XIRP2: variants seen among roughly 807,000 people sequenced by gnomAD.
The protein encoded by XIRP2 is xin actin binding repeat containing 2.
XIRP2 carries 236 observed loss-of-function variants against 277.0 expected under a neutral mutation model. That is an observed-to-expected ratio of 0.85 (90% CI 0.77 to 0.95). XIRP2 has a LOEUF of 0.95. Ranked by LOEUF, XIRP2 falls within the 40% of genes least tolerant of loss-of-function variation. The pLI is 0.00. For missense variants in XIRP2, 4,640 were observed against 4,157.5 expected (o/e 1.12, Z -3.19); for synonymous variants, 1,490 against 1,416.5 (o/e 1.05, Z -1.17).
At chr2:167,233,265 T>G (rs568302203) in intron 5 of XIRP2, among the ~76,000 whole-genome samples, 8 of 151,972 alleles carry the variant, frequency 5.3e-5, no homozygotes, top group East Asian at 1.9e-4. Context: ...CTGGAGATTT[T>G]GGCAAAGGCC....
chr2:167,087,835 A>G (rs945411349), intron 2 of XIRP2, among the ~76,000 whole-genome samples: 15 of 152,210 alleles, frequency 9.9e-5, no homozygotes, highest in African/African-American at 3.6e-4. Flanking sequence ...ACCTGCGCCC[A>G]CTGTCTGGCA....
At chr2:167,254,228 T>A in intron 10 of XIRP2, 63 bp downstream of exon 10, 2 of 1,526,290 alleles carry the variant, frequency 1.3e-6, no homozygotes, top group Non-Finnish European at 1.8e-6. Context: ...TATAGCCTCA[T>A]ATCTCTAGGA....
At chr2:167,065,301 T>C (rs193046543) in intron 2 of XIRP2, among the ~76,000 whole-genome samples, 29 of 152,072 alleles carry the variant, frequency 1.9e-4, no homozygotes, top group Admixed American at 1.7e-3. Flanking sequence ...TGTATACTTA[T>C]TTAAAGAAAC....
chr2:167,186,813 T>G (rs978351724), intron 3 of XIRP2, among the ~76,000 whole-genome samples: 2 of 151,978 alleles, frequency 1.3e-5, no homozygotes, highest in Admixed American at 6.6e-5. Flanking sequence ...TTGTTTTTTT[T>G]TTTTTTTTAA....
chr2:167,243,184 G>C lies in XIRP2; in HGVS notation c.1792G>C (p.Asp598His). ...SINNGSPDEG[D>H]ISRGIADQEI... The stretch of plus-strand genomic sequence containing the variant: ...CAACAATGGCTCTCCTGATGAAGGT[G>C]ATATTTCCAGGGGCATTGCTGATCA... Residue 598 changes from aspartate (D) to histidine (H), a missense_variant, in exon 9 of 11, where the codon GAT (aspartate) becomes CAT (histidine). Physicochemically the swap from Asp to His is moderately conservative, Grantham distance 81. Coordinates refer to ENST00000409195, the MANE Select transcript of XIRP2 (RefSeq NM_152381.6). 6 of 1,614,122 alleles carry C rather than the reference G, an allele frequency of 3.7e-6. No homozygotes were observed. The highest frequency in any genetic ancestry group is 5.1e-6 in the Non-Finnish European group (6 of 1,180,006).
intron 3 of XIRP2, among the ~76,000 whole-genome samples, chr2:167,143,220 CCT>C (rs1233045092): frequency 6.6e-6 from 1 of 152,064 alleles, no homozygotes; most frequent in Non-Finnish European, 1.5e-5. Flanking sequence ...AGCCCCTGCC[CCT>C]GAGTAGCTTA....
At chr2:167,052,904 C>T (rs74369250) in intron 2 of XIRP2, among the ~76,000 whole-genome samples, 5,386 of 152,236 alleles carry the variant, frequency 0.035, 182 homozygotes, top group African/African-American at 0.086. Flanking sequence ...TAAATTCAAG[C>T]TTATTGAGTT....
chr2:166,988,613 G>A lies in XIRP2; in HGVS notation c.408+84723G>A, dbSNP rs1397095226. 5.5e-4 allele frequency among the ~76,000 whole-genome samples: 71 copies of A among 128,576 alleles called. 4 individuals are homozygous for A. The South Asian group carries it at 0.016, about 29-fold the overall frequency. 84.4% of individuals were successfully genotyped at this position (128,576 alleles called of 152,430 possible). A position where few individuals can be genotyped will look rare whatever the true frequency, so the allele number is the denominator to read the frequency against. Reference sequence around the variant, plus strand: ...GCGCAGGCCAGTGTGTGTGCGCACCGTGCGCGAGCCGAAGCAGGGCGAGGC... The same window carrying A: ...GCGCAGGCCAGTGTGTGTGCGCACCATGCGCGAGCCGAAGCAGGGCGAGGC... On this transcript the variant is annotated intron_variant, in intron 2 of 10. Coordinates refer to ENST00000409195, the MANE Select transcript of XIRP2 (RefSeq NM_152381.6).
rs140483653 is a variant in XIRP2, at chr2:167,088,978, T to C, written c.409-46931T>C. On this transcript the variant is annotated intron_variant, in intron 2 of 10. Coordinates refer to ENST00000409195, the MANE Select transcript of XIRP2 (RefSeq NM_152381.6). ...TGAGGAACTCTGCCATTTTTCCCTG[T>C]ACCTGGCATGTAATTAGCACTCAAC... Among the ~76,000 whole-genome samples, 60 of 152,296 alleles carry C rather than the reference T, an allele frequency of 3.9e-4. No individual in the cohort carries two copies. In the East Asian group the frequency reaches 8.3e-3, roughly 21 times the overall value.
intron 2 of XIRP2, among the ~76,000 whole-genome samples, chr2:167,086,271 C>G (rs1212802503): frequency 6.6e-6 from 1 of 152,062 alleles, no homozygotes; most frequent in African/African-American, 2.4e-5. Context: ...GATATTGGCC[C>G]CCACTCTCTT....
intron 2 of XIRP2, among the ~76,000 whole-genome samples, chr2:166,927,022 A>G (rs1310845373): frequency 6.6e-6 from 1 of 152,140 alleles, no homozygotes; most frequent in African/African-American, 2.4e-5. Flanking sequence ...TAAAACACTC[A>G]TGCTCAACAT....
chr2:167,193,332 A>G (rs1693402828), intron 3 of XIRP2, among the ~76,000 whole-genome samples: 1 of 152,230 alleles, frequency 6.6e-6, no homozygotes. Flanking sequence ...CTTTGTCCCT[A>G]TGTTATGTTA....
chr2:167,237,893 G>A (rs1410389033), intron 5 of XIRP2, among the ~76,000 whole-genome samples: 1 of 152,178 alleles, frequency 6.6e-6, no homozygotes, highest in East Asian at 1.9e-4. Flanking sequence ...GCTGTCATTA[G>A]TGCCCATGCA....
rs1218096711 is a variant in XIRP2, at chr2:167,191,739, T to A, written c.563-18996T>A. Among the ~76,000 whole-genome samples, 6 of 152,332 alleles carry A rather than the reference T, an allele frequency of 3.9e-5. No individual in the cohort carries two copies. In the East Asian group the frequency reaches 9.7e-4, roughly 25 times the overall value. On this transcript the variant is annotated intron_variant, in intron 3 of 10. Transcript: ENST00000409195. ...GACACATCACTTTTCACTACTCTTT[T>A]TTTGGCAGGCCTTCAAGTAGATCTT...
Position 167,241,656 on chromosome 2 carries a change from C to T in XIRP2, c.1043-121C>T, listed in dbSNP as rs918862960. 46 of 1,147,276 alleles carry T rather than the reference C, an allele frequency of 4.0e-5. No individual in the cohort carries two copies. In the African/African-American group the frequency reaches 5.6e-4, roughly 14 times the overall value. 71.1% of individuals were successfully genotyped at this position (1,147,276 alleles called of 1,614,324 possible). ...CACCCTTGGGCTCAAGTAATCTTCG[C>T]ACCTCAGTCTCCCAAAGTATTGGGA... On this transcript the variant is annotated intron_variant, in intron 7 of 10. Transcript: ENST00000409195.
At chr2:167,113,750 A>C (rs1690823058) in intron 2 of XIRP2, among the ~76,000 whole-genome samples, 1 of 152,096 alleles carries the variant, frequency 6.6e-6, no homozygotes, top group African/African-American at 2.4e-5. Flanking sequence ...GTGTGTACGT[A>C]AGTGTGTTTT....
chr2:167,043,283 CAA>C (rs1184151877), intron 2 of XIRP2, among the ~76,000 whole-genome samples: 4 of 151,882 alleles, frequency 2.6e-5, no homozygotes, highest in Admixed American at 6.6e-5. Context: ...ACTAGGAAAA[CAA>C]GAGCAAACCA....
chr2:167,224,669 A>G (rs371963791), intron 5 of XIRP2, among the ~76,000 whole-genome samples: 7 of 152,366 alleles, frequency 4.6e-5, no homozygotes, highest in African/African-American at 1.7e-4. Context: ...ATCTTTTAGT[A>G]TATTGCCTAG....
At chr2:167,110,454 GCTTTGTCAA>G (rs1016018237) in intron 2 of XIRP2, among the ~76,000 whole-genome samples, 7 of 152,082 alleles carry the variant, frequency 4.6e-5, no homozygotes, top group African/African-American at 1.7e-4. Flanking sequence ...GTTTTTGTCA[GCTTTGTCAA>G]AGATCAGATG....
Sources: allele counts gnomAD v4.1 joint callset (sites outside exome capture counted in the v4.1 genomes callset), GRCh38; gene constraint gnomAD v4.1.1; transcripts MANE v1.5; gene names NCBI Gene and HGNC (gene_info 2026-07-23, HGNC 2026-07-21).